DNAJC3: variants seen among roughly 807,000 people sequenced by gnomAD.
The protein encoded by DNAJC3 is DnaJ heat shock protein family (Hsp40) member C3.
Under a neutral mutation model 68.6 loss-of-function variants are expected in DNAJC3, and 38 were observed. The observed-to-expected ratio is 0.55, with a 90% CI of 0.43 to 0.73. The LOEUF (loss-of-function observed/expected upper bound fraction) is 0.73, where lower values mean the gene tolerates loss of function less well. Ranked by LOEUF, DNAJC3 falls within the 30% of genes least tolerant of loss-of-function variation. DNAJC3 has a pLI of 0.00. For synonymous variants in DNAJC3, 203 were observed against 204.0 expected, an observed-to-expected ratio of 1.00 and a Z score of 0.04; for missense variants, 526 against 591.9, an observed-to-expected ratio of 0.89 and a Z score of 1.16.
chr13:95,705,577 G>C (rs923052460), intron 1 of DNAJC3, among the ~76,000 whole-genome samples: 1 of 151,018 alleles, frequency 6.6e-6, no homozygotes, highest in African/African-American at 2.4e-5. Context: ...TCCTAGACTG[G>C]AGTATAGTGG....
At chr13:95,688,353 G>A (rs562021290) in intron 1 of DNAJC3, among the ~76,000 whole-genome samples, 1 of 152,074 alleles carries the variant, frequency 6.6e-6, no homozygotes, top group East Asian at 1.9e-4. Flanking sequence ...GTCTTTTCTA[G>A]TTTTCAAGGG....
intron 1 of DNAJC3, chr13:95,694,194 C>G (rs1880363850): frequency 6.6e-6 from 1 of 152,330 alleles, no homozygotes; most frequent in African/African-American, 2.4e-5. Context: ...TTCATCAAAT[C>G]AACACCAATT....
chr13:95,725,382 A>G (rs1374848643), intron 4 of DNAJC3, 130 bp downstream of exon 4: 2 of 528,688 alleles, frequency 3.8e-6, no homozygotes, highest in Non-Finnish European at 6.3e-6. Flanking sequence ...TAAATAGAGA[A>G]TAGCCAGATT....
At chr13:95,724,905 T>C (rs1401434959) in intron 3 of DNAJC3, among the ~76,000 whole-genome samples, 1 of 152,226 alleles carries the variant, frequency 6.6e-6, no homozygotes, top group African/African-American at 2.4e-5. Flanking sequence ...TTCCACTTTT[T>C]GGCTATCATT....
intron 4 of DNAJC3, among the ~76,000 whole-genome samples, chr13:95,755,993 G>A (rs1882651475): frequency 6.6e-6 from 1 of 151,952 alleles, no homozygotes; most frequent in African/African-American, 2.4e-5. Flanking sequence ...CATTACCTGA[G>A]CCCTCCAGCC....
intron 11 of DNAJC3, 125 bp downstream of exon 11, chr13:95,787,280 G>A: frequency 8.1e-7 from 1 of 1,241,566 alleles, no homozygotes; most frequent in East Asian, 2.5e-5. Context: ...CAGTTCCAGA[G>A]GTCCAGTTTT....
Position 95,793,338 on chromosome 13 carries a change from C to G in DNAJC3, c.*2308C>G, listed in dbSNP as rs537584349. 3 of 152,190 alleles carry G rather than the reference C, an allele frequency of 2.0e-5. No homozygotes were observed. The highest frequency in any genetic ancestry group is 2.9e-5 in the Non-Finnish European group (2 of 68,036). The allele number at this position is 152,190 out of a possible 1,614,324, so 9.4% of individuals were successfully genotyped here. A position where few individuals can be genotyped will look rare whatever the true frequency, so the allele number is the denominator to read the frequency against. The stretch of plus-strand genomic sequence containing the variant: ...CCAAACGGAGAGACAGTCACTCCTG[C>G]TTACCCTAATGTGTGACTGAGAAGC... On this transcript the variant is annotated 3_prime_UTR_variant, in exon 12 of 12. Transcript: ENST00000602402.
At chr13:95,692,579 T>C (rs1484519758) in intron 1 of DNAJC3, 2 of 152,166 alleles carry the variant, frequency 1.3e-5, no homozygotes, top group Admixed American at 6.5e-5. Flanking sequence ...ACTCTAGCGC[T>C]ATAGTTGTAG....
At chr13:95,756,809 G>T (rs946864370) in intron 4 of DNAJC3, among the ~76,000 whole-genome samples, 10 of 152,090 alleles carry the variant, frequency 6.6e-5, no homozygotes, top group African/African-American at 2.4e-4. Context: ...GGTTTTCTGA[G>T]ATAATTATTT....
In DNAJC3 at chr13:95,760,233, T is replaced by G. The variant is rs1448808675; in HGVS notation, c.728+12T>G. On this transcript the variant is annotated intron_variant, in intron 6 of 11. Coordinates refer to ENST00000602402, the MANE Select transcript of DNAJC3 (RefSeq NM_006260.5). ...GAACTGTCCCTCAGGTCAGTTCTAG[T>G]GACACACATGTCTGATCTTTTTTAA... 1.3e-6 allele frequency: 2 copies of G among 1,531,052 alleles called. No individual in the cohort carries two copies. Among genetic ancestry groups the G allele is most frequent in the Non-Finnish European group, 1.8e-6 (2 of 1,139,904 alleles). The allele number at this position is 1,531,052 out of a possible 1,614,324, so 94.8% of individuals were successfully genotyped here.
At chr13:95,766,096 T>A (rs1882986022) in intron 9 of DNAJC3, among the ~76,000 whole-genome samples, 1 of 152,232 alleles carries the variant, frequency 6.6e-6, no homozygotes, top group Non-Finnish European at 1.5e-5. Flanking sequence ...AATAACAGTA[T>A]GTCTTCAGTT....
At chr13:95,690,564 G>A (rs76607142) in intron 1 of DNAJC3, among the ~76,000 whole-genome samples, 9 of 150,420 alleles carry the variant, frequency 6.0e-5, no homozygotes, top group African/African-American at 1.5e-4. Flanking sequence ...AGGGGCGGCC[G>A]GGCAGAGGCG....
chr13:95,764,760 C>CAT (rs200982081), intron 9 of DNAJC3, among the ~76,000 whole-genome samples: 39 of 105,148 alleles, frequency 3.7e-4, no homozygotes, highest in East Asian at 1.3e-3. Context: ...TATATATATA[C>CAT]ATATATATAT....
intron 2 of DNAJC3, among the ~76,000 whole-genome samples, chr13:95,719,170 T>C (rs1881241695): frequency 6.6e-6 from 1 of 152,196 alleles, no homozygotes; most frequent in Non-Finnish European, 1.5e-5. Context: ...AACAACCAAA[T>C]AGATGGAAGA....
intron 9 of DNAJC3, among the ~76,000 whole-genome samples, chr13:95,769,095 G>T (rs145086891): frequency 6.6e-6 from 1 of 152,086 alleles, no homozygotes; most frequent in Non-Finnish European, 1.5e-5. Context: ...ACACAGCTGC[G>T]TTTTAGTAAG....
chr13:95,726,245 A>G (rs961707305), intron 4 of DNAJC3, among the ~76,000 whole-genome samples: 17 of 152,148 alleles, frequency 1.1e-4, no homozygotes, highest in East Asian at 7.7e-4. Flanking sequence ...CTGAGGAATC[A>G]CCACACTGAC....
In DNAJC3 at chr13:95,778,323, AG is replaced by A. The variant is rs1380501866; in HGVS notation, c.1076-7615del. On this transcript the variant is annotated intron_variant, in intron 9 of 11. Coordinates refer to ENST00000602402, the MANE Select transcript of DNAJC3 (RefSeq NM_006260.5). ...TACTGGTATAAAGGCTGAACACCAA[AG>A]CAGTGAAGCAGAATGCAGCACAGAC... 4.6e-5 allele frequency among the ~76,000 whole-genome samples: 7 copies of A among 152,358 alleles called. No homozygotes were observed. The East Asian group carries it at 1.3e-3, about 29-fold the overall frequency.
intron 1 of DNAJC3, among the ~76,000 whole-genome samples, chr13:95,679,814 T>G (rs78637533): frequency 0.017 from 2,597 of 152,268 alleles, 79 homozygotes; most frequent in African/African-American, 0.06. Context: ...ATATATACAA[T>G]ACAATTCACT....
chr13:95,775,641 G>T (rs1883272325), intron 9 of DNAJC3, among the ~76,000 whole-genome samples: 1 of 152,046 alleles, frequency 6.6e-6, no homozygotes, highest in African/African-American at 2.4e-5. Flanking sequence ...GTAGTATGTA[G>T]ATTATTTCCT....
Sources: allele counts gnomAD v4.1 joint callset (sites outside exome capture counted in the v4.1 genomes callset), GRCh38; gene constraint gnomAD v4.1.1; transcripts MANE v1.5; gene names NCBI Gene and HGNC (gene_info 2026-07-23, HGNC 2026-07-21).